The following TEAD1 variants were observed in gnomAD, a reference collection of about 807,000 sequenced individuals.
TEAD1 encodes transcriptional enhancer factor TEF-1.
A neutral mutation model predicts 54.9 loss-of-function variants in TEAD1; 9 were observed. The observed-to-expected ratio is 0.16, with a 90% confidence interval of 0.10 to 0.29. The LOEUF (loss-of-function observed/expected upper bound fraction) is 0.29, where lower values mean the gene tolerates loss of function less well. Ranked by LOEUF, TEAD1 falls within the 10% of genes least tolerant of loss-of-function variation. The pLI is 1.00. For synonymous variants in TEAD1, 200 were observed against 187.8 expected (o/e 1.07, Z -0.53); for missense variants, 387 against 535.9 (o/e 0.72, Z 2.74).
chr11:12,811,478 G>C (rs1256120724), intron 3 of TEAD1, among the ~76,000 whole-genome samples: 2 of 152,222 alleles, frequency 1.3e-5, no homozygotes, highest in African/African-American at 2.4e-5. Flanking sequence ...ATAGTGACCT[G>C]ATATGCAGAC....
intron 3 of TEAD1, among the ~76,000 whole-genome samples, chr11:12,854,552 A>G (rs1426959434): frequency 6.6e-6 from 1 of 152,044 alleles, no homozygotes; most frequent in Non-Finnish European, 1.5e-5. Flanking sequence ...AGTTCTTCCA[A>G]ACAAGACATA....
At chr11:12,699,174 T>C (rs1458146673) in intron 2 of TEAD1, among the ~76,000 whole-genome samples, 1 of 152,198 alleles carries the variant, frequency 6.6e-6, no homozygotes, top group Non-Finnish European at 1.5e-5. Flanking sequence ...TTTCACCATT[T>C]ATTTTTTTTC....
At chr11:12,850,607 A>G (rs1012102076) in intron 3 of TEAD1, among the ~76,000 whole-genome samples, 2 of 152,222 alleles carry the variant, frequency 1.3e-5, no homozygotes, top group East Asian at 1.9e-4. Context: ...CACACAGCTC[A>G]TAAGTCCAGT....
intron 10 of TEAD1, among the ~76,000 whole-genome samples, chr11:12,914,373 G>T (rs560272950): frequency 3.9e-5 from 6 of 152,254 alleles, no homozygotes; most frequent in African/African-American, 1.2e-4. Flanking sequence ...GAAGAGCCAC[G>T]GCTGAGTTTA....
chr11:12,931,196 G>T (rs1007778274), intron 12 of TEAD1, among the ~76,000 whole-genome samples: 1 of 152,192 alleles, frequency 6.6e-6, no homozygotes, highest in East Asian at 1.9e-4. Flanking sequence ...GCCCCTGGAT[G>T]GTTCTATGTG....
intron 2 of TEAD1, among the ~76,000 whole-genome samples, chr11:12,715,325 A>G (rs73421972): frequency 0.12 from 18,010 of 152,192 alleles, 3,560 homozygotes; most frequent in African/African-American, 0.41. Flanking sequence ...CATCAGGGAC[A>G]GGAGATCCTT....
In TEAD1 at chr11:12,777,469, A is replaced by G. The variant is rs191032042; in HGVS notation, c.202+13035A>G. Among the ~76,000 whole-genome samples, 16 of 152,298 alleles carry G rather than the reference A, an allele frequency of 1.1e-4. No individual in the cohort carries two copies. The East Asian group carries it at 3.1e-3, about 29-fold the overall frequency. On this transcript the variant is annotated intron_variant, in intron 3 of 12. Transcript: ENST00000527636. The stretch of plus-strand genomic sequence containing the variant: ...TCTTAGATGAATGGTTCTATTACAA[A>G]CACAGTAGCTTCCATGACCGCTTAG...
At chr11:12,720,688 T>C (rs866370093) in intron 2 of TEAD1, among the ~76,000 whole-genome samples, 1 of 152,174 alleles carries the variant, frequency 6.6e-6, no homozygotes, top group Non-Finnish European at 1.5e-5. Context: ...GCCCAATAAT[T>C]GTAACCAGCA....
chr11:12,879,848 T>C lies in TEAD1; in HGVS notation c.465+6T>C. On this transcript the variant is annotated splice_donor_region_variant and intron_variant, in intron 6 of 12. Coordinates refer to ENST00000527636, the MANE Select transcript of TEAD1 (RefSeq NM_021961.6). ...CCTTCCCAGGGGCGCCGGGGGTAAGTCATGAGCTCAGTCCAGTAATGACAG... is the reference window on the plus strand; with the variant it reads ...CCTTCCCAGGGGCGCCGGGGGTAAGCCATGAGCTCAGTCCAGTAATGACAG... 6.2e-7 allele frequency: 1 copy of C among 1,612,972 alleles called. No homozygotes were observed. The highest frequency in any genetic ancestry group is 8.5e-7 in the Non-Finnish European group (1 of 1,180,036).
chr11:12,876,581 G>A (rs765956660), intron 5 of TEAD1, among the ~76,000 whole-genome samples: 4 of 152,202 alleles, frequency 2.6e-5, no homozygotes, highest in African/African-American at 4.8e-5. Context: ...CAGTCAGGCA[G>A]GCAAGACGTC....
intron 9 of TEAD1, among the ~76,000 whole-genome samples, chr11:12,886,471 A>C (rs1948088955): frequency 6.6e-6 from 1 of 152,170 alleles, no homozygotes; most frequent in Admixed American, 6.5e-5. Flanking sequence ...TTTAACAAGT[A>C]TTTTTTGAGC....
chr11:12,704,142 G>A (rs2133842437), intron 2 of TEAD1, among the ~76,000 whole-genome samples: 1 of 152,288 alleles, frequency 6.6e-6, no homozygotes, highest in Middle Eastern at 3.4e-3. Flanking sequence ...TTTGGTTTGT[G>A]TTGGGAGCTC....
chr11:12,716,133 G>A (rs567942036), intron 2 of TEAD1, among the ~76,000 whole-genome samples: 19 of 152,136 alleles, frequency 1.2e-4, no homozygotes, highest in African/African-American at 4.3e-4. Flanking sequence ...TTGTCTGTCG[G>A]CTTCCGGCCG....
chr11:12,847,154 CATG>C (rs1184417400), intron 3 of TEAD1, among the ~76,000 whole-genome samples: 1 of 152,160 alleles, frequency 6.6e-6, no homozygotes, highest in African/African-American at 2.4e-5. Flanking sequence ...TCCCATGAGC[CATG>C]ATGTCATATA....
chr11:12,821,581 C>A (rs1170992577), intron 3 of TEAD1, among the ~76,000 whole-genome samples: 1 of 152,000 alleles, frequency 6.6e-6, no homozygotes, highest in Non-Finnish European at 1.5e-5. Flanking sequence ...AGCATGCAGT[C>A]GGAAACTATG....
intron 2 of TEAD1, among the ~76,000 whole-genome samples, chr11:12,703,076 C>G (rs1233752911): frequency 2.6e-5 from 4 of 152,176 alleles, no homozygotes; most frequent in African/African-American, 9.7e-5. Context: ...GGCTCCCATT[C>G]TCAAAGCCTC....
intron 10 of TEAD1, among the ~76,000 whole-genome samples, chr11:12,903,411 T>G (rs1026152415): frequency 6.6e-6 from 1 of 152,156 alleles, no homozygotes; most frequent in Non-Finnish European, 1.5e-5. Context: ...TAAAGAAAAA[T>G]TTATGTTTTA....
At chr11:12,924,198 T>G (rs76838437) in intron 10 of TEAD1, among the ~76,000 whole-genome samples, 10,220 of 152,262 alleles carry the variant, frequency 0.067, 497 homozygotes, top group East Asian at 0.17. Flanking sequence ...CTTCCCTGCA[T>G]GTGCCAGTCT....
rs566497142 is a variant in TEAD1, at chr11:12,820,198, A to T, written c.203-42052A>T. On this transcript the variant is annotated intron_variant, in intron 3 of 12. Coordinates refer to ENST00000527636, the MANE Select transcript of TEAD1 (RefSeq NM_021961.6). The stretch of plus-strand genomic sequence containing the variant: ...GGGAGTGGGACGTGATCTGGTTTGA[A>T]TAATGTATACTCAGGACTCTTGCCA... Among the ~76,000 whole-genome samples, 59 of 152,278 alleles carry T rather than the reference A, an allele frequency of 3.9e-4. 1 individual carries two copies. Among genetic ancestry groups the T allele is most frequent in the Non-Finnish European group, 7.8e-4 (53 of 68,030 alleles).
Sources: allele counts gnomAD v4.1 joint callset (sites outside exome capture counted in the v4.1 genomes callset), GRCh38; gene constraint gnomAD v4.1.1; transcripts MANE v1.5; gene names NCBI Gene and HGNC (gene_info 2026-07-23, HGNC 2026-07-21).